MBOAT2: variants seen among roughly 807,000 people sequenced by gnomAD.
The protein encoded by MBOAT2 is membrane-bound glycerophospholipid O-acyltransferase 2.
Under a neutral mutation model 63.4 loss-of-function variants are expected in MBOAT2, and 28 were observed. That is an observed-to-expected ratio of 0.44 (90% CI 0.33 to 0.61). The LOEUF (loss-of-function observed/expected upper bound fraction) is 0.61, where lower values mean the gene tolerates loss of function less well. Ranked by LOEUF, MBOAT2 falls within the 20% of genes least tolerant of loss-of-function variation. The pLI, the probability that MBOAT2 is intolerant of heterozygous loss-of-function variation, is 0.03. For missense variants in MBOAT2, 470 were observed against 605.8 expected, an observed-to-expected ratio of 0.78 and a Z score of 2.35; for synonymous variants, 211 against 215.6, an observed-to-expected ratio of 0.98 and a Z score of 0.19.
chr2:8,986,294 G>A (rs546247542), intron 1 of MBOAT2, among the ~76,000 whole-genome samples: 150 of 152,012 alleles, frequency 9.9e-4, no homozygotes, highest in South Asian at 1.0e-3. Flanking sequence ...ATGTAATATG[G>A]GCCAGGCATG....
chr2:8,880,413 C>T (rs1028081356), intron 6 of MBOAT2, among the ~76,000 whole-genome samples: 2 of 152,022 alleles, frequency 1.3e-5, no homozygotes, highest in African/African-American at 2.4e-5. Flanking sequence ...GGAACAGATG[C>T]GGGAGGAGGA....
At chr2:8,895,112 A>C (rs1415630455) in intron 4 of MBOAT2, among the ~76,000 whole-genome samples, 1 of 152,248 alleles carries the variant, frequency 6.6e-6, no homozygotes, top group Admixed American at 6.5e-5. Flanking sequence ...TGTGAAGAGC[A>C]AAAGAATAAA....
At chr2:8,969,557 T>A (rs13417252) in intron 1 of MBOAT2, among the ~76,000 whole-genome samples, 35,809 of 152,094 alleles carry the variant, frequency 0.24, 6,790 homozygotes, top group African/African-American at 0.53. Flanking sequence ...AAATGCTCCA[T>A]TTAAAAGACA....
chr2:8,984,394 T>C (rs1364053015), intron 1 of MBOAT2, among the ~76,000 whole-genome samples: 1 of 152,184 alleles, frequency 6.6e-6, no homozygotes, highest in African/African-American at 2.4e-5. Context: ...TTCATGTTTA[T>C]TACCACATAC....
At chr2:8,996,080 G>C (rs1672281126) in intron 1 of MBOAT2, among the ~76,000 whole-genome samples, 1 of 152,198 alleles carries the variant, frequency 6.6e-6, no homozygotes, top group African/African-American at 2.4e-5. Context: ...AATCCAAAGT[G>C]ATCTTTGACA....
intron 1 of MBOAT2, among the ~76,000 whole-genome samples, chr2:8,986,863 G>C (rs1432749540): frequency 6.6e-6 from 1 of 152,172 alleles, no homozygotes; most frequent in Non-Finnish European, 1.5e-5. Flanking sequence ...AGTGGTGGCT[G>C]TCTGCAAGGC....
intron 3 of MBOAT2, among the ~76,000 whole-genome samples, chr2:8,925,972 A>C (rs1176728237): frequency 2.6e-5 from 4 of 152,198 alleles, no homozygotes; most frequent in African/African-American, 9.7e-5. Flanking sequence ...AAGTGTTATT[A>C]CTCCAATTTA....
chr2:8,984,281 A>C (rs1671402733), intron 1 of MBOAT2, among the ~76,000 whole-genome samples: 1 of 152,196 alleles, frequency 6.6e-6, no homozygotes, highest in South Asian at 2.1e-4. Flanking sequence ...ATGCAGCTTC[A>C]GTTCTGCAAA....
chr2:8,955,998 A>C (rs1291624095), intron 2 of MBOAT2, among the ~76,000 whole-genome samples: 1 of 152,200 alleles, frequency 6.6e-6, no homozygotes, highest in African/African-American at 2.4e-5. Context: ...TTTAGACATA[A>C]TTATATTGCA....
chr2:8,885,423 T>A (rs373849037), intron 5 of MBOAT2, among the ~76,000 whole-genome samples: 3 of 152,232 alleles, frequency 2.0e-5, no homozygotes, highest in African/African-American at 7.2e-5. Context: ...TCTCATTACA[T>A]GTATGCAAAT....
intron 1 of MBOAT2, among the ~76,000 whole-genome samples, chr2:9,002,873 C>G (rs1193854878): frequency 6.6e-6 from 1 of 152,194 alleles, no homozygotes; most frequent in Non-Finnish European, 1.5e-5. Context: ...AAGGTTGCCA[C>G]TTTGTCAGCA....
chr2:8,946,838 G>A (rs1668450607), intron 2 of MBOAT2, among the ~76,000 whole-genome samples: 1 of 152,096 alleles, frequency 6.6e-6, no homozygotes, highest in Non-Finnish European at 1.5e-5. Context: ...CCTCTCCTGA[G>A]GCTTCCCCAT....
chr2:8,917,434 C>T (rs1488546111), intron 3 of MBOAT2, among the ~76,000 whole-genome samples: 4 of 151,818 alleles, frequency 2.6e-5, no homozygotes, highest in Admixed American at 1.3e-4. Flanking sequence ...CAGATATGAA[C>T]AAAATGTCCC....
At chr2:8,920,292 G>A (rs1666482181) in intron 3 of MBOAT2, among the ~76,000 whole-genome samples, 1 of 152,098 alleles carries the variant, frequency 6.6e-6, no homozygotes, top group African/African-American at 2.4e-5. Flanking sequence ...ACTGTGTATT[G>A]AAAAAACTAT....
At chr2:8,946,695 G>A (rs572549727) in intron 2 of MBOAT2, among the ~76,000 whole-genome samples, 39 of 152,200 alleles carry the variant, frequency 2.6e-4, no homozygotes, top group African/African-American at 8.7e-4. Context: ...TGTGATCAGC[G>A]ATCTTTGATA....
At chr2:8,984,291 A>C (rs1269457541) in intron 1 of MBOAT2, among the ~76,000 whole-genome samples, 1 of 152,176 alleles carries the variant, frequency 6.6e-6, no homozygotes, top group Non-Finnish European at 1.5e-5. Flanking sequence ...AGTTCTGCAA[A>C]ATGAAAAAGT....
intron 3 of MBOAT2, among the ~76,000 whole-genome samples, chr2:8,913,099 A>G (rs1395550268): frequency 6.6e-6 from 1 of 151,974 alleles, no homozygotes; most frequent in Non-Finnish European, 1.5e-5. Flanking sequence ...AGGAAAGGAC[A>G]CCCTTTTCAA....
intron 1 of MBOAT2, among the ~76,000 whole-genome samples, chr2:8,969,833 A>G (rs921449857): frequency 5.3e-5 from 8 of 152,236 alleles, no homozygotes; most frequent in East Asian, 1.9e-4. Flanking sequence ...TCCTAAATAT[A>G]TATGCACCCA....
chr2:8,992,750 G>A (rs1049305836), intron 1 of MBOAT2, among the ~76,000 whole-genome samples: 1 of 152,214 alleles, frequency 6.6e-6, no homozygotes, highest in East Asian at 1.9e-4. Context: ...TTTGTCCAAC[G>A]CCTAGACAGA....
Sources: gnomAD v4.1 joint callset for allele counts (sites outside exome capture counted in the v4.1 genomes callset) on GRCh38, gnomAD v4.1.1 for gene constraint, MANE v1.5 for transcripts, NCBI Gene and HGNC (gene_info 2026-07-23, HGNC 2026-07-21) for gene names.